Variants in LRPPRC observed in about 807,000 individuals in gnomAD.
LRPPRC encodes the protein leucine-rich PPR motif-containing protein, mitochondrial.
LRPPRC carries 120 observed loss-of-function variants against 180.3 expected under a neutral mutation model. The ratio of observed to expected loss-of-function variants is 0.67; its 90% CI spans 0.57 to 0.77. The LOEUF is 0.77. Ranked by LOEUF, LRPPRC falls within the 30% of genes least tolerant of loss-of-function variation. The pLI is 0.00. For synonymous variants in LRPPRC, 723 were observed against 600.0 expected, an observed-to-expected ratio of 1.21 and a Z score of -3.00; for missense variants, 2,012 against 1,657.2, an observed-to-expected ratio of 1.21 and a Z score of -3.72.
At chr2:43,934,916 C>A (rs200386208) in intron 23 of LRPPRC, 38 bp from the exon 24 acceptor site, 3 of 1,583,540 alleles carry the variant, frequency 1.9e-6, no homozygotes, top group Admixed American at 3.3e-5. Context: ...TAAAATAAAT[C>A]GAATTCAGCT....
At chr2:43,981,722 T>C (rs780596399) in intron 2 of LRPPRC, among the ~76,000 whole-genome samples, 12 of 151,904 alleles carry the variant, frequency 7.9e-5, no homozygotes, top group Admixed American at 6.5e-5. Context: ...GTTGACAAGA[T>C]AGAAATCACA....
intron 20 of LRPPRC, 84 bp from the exon 21 acceptor site, chr2:43,946,327 AG>A: frequency 1.9e-6 from 2 of 1,041,170 alleles, no homozygotes; most frequent in Non-Finnish European, 3.0e-6. Flanking sequence ...TTCAGAGTTT[AG>A]AAAAAGTTAA....
chr2:43,922,993 CCA>C, intron 27 of LRPPRC, among the ~76,000 whole-genome samples: 1 of 152,060 alleles, frequency 6.6e-6, no homozygotes, highest in East Asian at 1.9e-4. Flanking sequence ...AAGAAGCTAA[CCA>C]CACTCTGCCA....
At chr2:43,927,948 T>C (rs1671949205) in intron 25 of LRPPRC, among the ~76,000 whole-genome samples, 1 of 152,176 alleles carries the variant, frequency 6.6e-6, no homozygotes, top group Non-Finnish European at 1.5e-5. Context: ...AAACTGCAAG[T>C]TGAAAGCAGA....
chr2:43,895,697 C>G (rs1442069452), intron 35 of LRPPRC, among the ~76,000 whole-genome samples: 1 of 152,034 alleles, frequency 6.6e-6, no homozygotes, highest in African/African-American at 2.4e-5. Context: ...TGTAGAAATT[C>G]AGGAAAACGT....
chr2:43,916,063 C>T (rs1476194976), intron 29 of LRPPRC, among the ~76,000 whole-genome samples: 2 of 152,140 alleles, frequency 1.3e-5, no homozygotes, highest in African/African-American at 4.8e-5. Flanking sequence ...GCAAGCCTGG[C>T]CAAACCTTCT....
intron 14 of LRPPRC, among the ~76,000 whole-genome samples, chr2:43,956,889 C>T (rs1673141357): frequency 6.6e-6 from 1 of 151,864 alleles, no homozygotes; most frequent in African/African-American, 2.4e-5. Flanking sequence ...GACTCCGTCT[C>T]AAAAAAATAA....
intron 36 of LRPPRC, among the ~76,000 whole-genome samples, chr2:43,891,109 TC>T (rs1670475484): frequency 6.6e-6 from 1 of 152,214 alleles, no homozygotes; most frequent in Non-Finnish European, 1.5e-5. Context: ...CTTTGCTGTT[TC>T]CATGAAGTCA....
chr2:43,976,451 T>C (rs984094726), intron 5 of LRPPRC, among the ~76,000 whole-genome samples: 1 of 152,196 alleles, frequency 6.6e-6, no homozygotes, highest in African/African-American at 2.4e-5. Context: ...ATACAAATAC[T>C]AGATTTTTAA....
chr2:43,918,818 T>G (rs1291810431), intron 27 of LRPPRC, among the ~76,000 whole-genome samples: 4 of 145,406 alleles, frequency 2.8e-5, no homozygotes, highest in Admixed American at 6.9e-5. Flanking sequence ...TAGATATATA[T>G]ATATCTATAT....
At chr2:43,911,363 T>TGATG (rs953193850) in intron 30 of LRPPRC, among the ~76,000 whole-genome samples, 1 of 151,960 alleles carries the variant, frequency 6.6e-6, no homozygotes, top group Non-Finnish European at 1.5e-5. Context: ...TACGGCCCTA[T>TGATG]GATGCATAAC....
chr2:43,891,600 A>AG (rs1670494967), intron 36 of LRPPRC, among the ~76,000 whole-genome samples: 1 of 152,214 alleles, frequency 6.6e-6, no homozygotes, highest in Admixed American at 6.5e-5. Context: ...GGCAAACTTG[A>AG]GAAACGTGTT....
At chr2:43,915,226 TCTCTCTCACACACA>T (rs1198102733) in intron 29 of LRPPRC, among the ~76,000 whole-genome samples, 1,837 of 83,742 alleles carry the variant, frequency 0.022, 34 homozygotes, top group African/African-American at 0.095. Flanking sequence ...TCTCTCTCTC[TCTCTCTCACACACA>T]CACACACACA....
At chr2:43,889,314 CAAAAAA>C (rs780032604) in intron 37 of LRPPRC, among the ~76,000 whole-genome samples, 182 of 38,342 alleles carry the variant, frequency 4.7e-3, no homozygotes, top group African/African-American at 0.021. Context: ...GACTCCATCT[CAAAAAA>C]AAAAAAAAAA....
intron 31 of LRPPRC, chr2:43,902,083 A>AAAT (rs1236137735): frequency 6.4e-6 from 1 of 156,384 alleles, no homozygotes; most frequent in Non-Finnish European, 1.4e-5. Context: ...CTAAATTAAA[A>AAAT]AATAATGCCT....
chr2:43,912,087 G>T (rs1392435350), intron 30 of LRPPRC, among the ~76,000 whole-genome samples: 1 of 152,120 alleles, frequency 6.6e-6, no homozygotes, highest in African/African-American at 2.4e-5. Context: ...TGGTGTCTTT[G>T]TTTTCTCAGG....
rs1356955635 is a variant in LRPPRC, at chr2:43,886,681, TCA to T, written c.*1917_*1918del. On this transcript the variant is annotated 3_prime_UTR_variant, in exon 38 of 38. Coordinates refer to ENST00000260665, the MANE Select transcript of LRPPRC (RefSeq NM_133259.4). Reference sequence around the variant, plus strand: ...ACTTCATGCAAATGAGATGGTACTTTCAGTTTCCCCAAAAAGATGACTGCGAA... The same window carrying T: ...ACTTCATGCAAATGAGATGGTACTTTGTTTCCCCAAAAAGATGACTGCGAA... The T allele has an allele frequency of 2.0e-5, 3 of 152,212 alleles. No individual in the cohort carries two copies. The highest frequency in any genetic ancestry group is 2.9e-5 in the Non-Finnish European group (2 of 68,056). The allele number at this position is 152,212 out of a possible 1,614,324, so 9.4% of individuals were successfully genotyped here.
At position 43,947,648 on chromosome 2, in the gene LRPPRC, A is replaced by C. The variant is rs527825935; in HGVS notation, c.1965+83T>G. 61 of 870,618 alleles carry C rather than the reference A, an allele frequency of 7.0e-5. No homozygotes were observed. In the South Asian group the frequency reaches 7.4e-4, roughly 11 times the overall value. 53.9% of individuals were successfully genotyped at this position (870,618 alleles called of 1,614,324 possible). ...CAAGATGATAAAAATGTGAGGAATC[A>C]CTGGTTTTATAAGTACACAATCCAG... is the stretch of plus-strand genomic sequence containing the variant. On this transcript the variant is annotated intron_variant, in intron 19 of 37. Transcript: ENST00000260665.
intron 30 of LRPPRC, among the ~76,000 whole-genome samples, chr2:43,911,848 A>G (rs1254755356): frequency 6.6e-6 from 1 of 152,012 alleles, no homozygotes; most frequent in Admixed American, 6.6e-5. Flanking sequence ...TTTTAATCCA[A>G]AAACAACACG....
Sources: allele counts gnomAD v4.1 joint callset (sites outside exome capture counted in the v4.1 genomes callset), GRCh38; gene constraint gnomAD v4.1.1; transcripts MANE v1.5; gene names NCBI Gene and HGNC (gene_info 2026-07-23, HGNC 2026-07-21).